The following PAX3 variants were observed in gnomAD, a reference collection of about 807,000 sequenced individuals.
PAX3 encodes the protein paired box 3, also known as paired box protein Pax-3.
Under a neutral mutation model 51.6 loss-of-function variants are expected in PAX3, and 14 were observed. The ratio of observed to expected loss-of-function variants is 0.27; its 90% CI spans 0.18 to 0.42. PAX3 has a LOEUF of 0.42. PAX3 is among the 10% of genes least tolerant of loss of function. PAX3 has a pLI of 1.00. For synonymous variants in PAX3, 280 were observed against 253.4 expected, an observed-to-expected ratio of 1.11 and a Z score of -1.00; for missense variants, 540 against 642.8, an observed-to-expected ratio of 0.84 and a Z score of 1.73.
chr2:222,220,338 G>T lies in PAX3; in HGVS notation c.975C>A (p.Ser325Arg). 1 of 1,613,994 alleles carries T rather than the reference G, an allele frequency of 6.2e-7. No individual in the cohort carries two copies. The highest frequency in any genetic ancestry group is 8.5e-7 in the Non-Finnish European group (1 of 1,179,884). The change falls in exon 7 of 9, where the codon AGC (serine) becomes AGA (arginine). Residue 325 changes from serine to arginine, a missense_variant. This residue lies in a region of PAX3 where 427 missense variants were observed against 483.6 expected (regional missense o/e 0.88). Transcript: ENST00000392070. ...GCGGTTGAGGTCTGTGAACGGTGCTGCTGGGATCTGACACAGCTGAAATGA... is the reference window on the plus strand; with the variant it reads ...GCGGTTGAGGTCTGTGAACGGTGCTTCTGGGATCTGACACAGCTGAAATGA... ...TSIPQAVSDPSSTVHRPQPLP... is the reference protein window; with the variant it reads ...TSIPQAVSDPRSTVHRPQPLP...
chr2:222,284,033 C>T (rs1352568840), intron 4 of PAX3, among the ~76,000 whole-genome samples: 1 of 152,202 alleles, frequency 6.6e-6, no homozygotes, highest in East Asian at 1.9e-4. Flanking sequence ...GCAAATGGAA[C>T]AGAACGGTCA....
chr2:222,242,095 C>A (rs71417674), intron 4 of PAX3, among the ~76,000 whole-genome samples: 2,112 of 152,216 alleles, frequency 0.014, 16 homozygotes, highest in South Asian at 0.029. Flanking sequence ...ACAAATATTT[C>A]TTTAATAGGG....
At chr2:222,264,509 G>A (rs1693974408) in intron 4 of PAX3, 1 of 152,146 alleles carries the variant, frequency 6.6e-6, no homozygotes, top group African/African-American at 2.4e-5. Flanking sequence ...AAATGCCATT[G>A]AATTGTTCAC....
chr2:222,223,265 C>T (rs935336448), intron 5 of PAX3, among the ~76,000 whole-genome samples: 2 of 152,278 alleles, frequency 1.3e-5, no homozygotes, highest in African/African-American at 4.8e-5. Flanking sequence ...TGAACTTCCT[C>T]AAAACATCAA....
At chr2:222,221,669 A>G in intron 5 of PAX3, 1 of 404,810 alleles carries the variant, frequency 2.5e-6, no homozygotes, top group South Asian at 2.3e-5. Flanking sequence ...CAGGAGTAGG[A>G]ACAACAGGAA....
Position 222,295,477 on chromosome 2 carries a change from G to A in PAX3, c.451+51C>T, listed in dbSNP as rs919107085. ...ATTACGTCTGGGTCGACGTGCCGGGGTAATAGCGACTGACTGTCGCGCCTC... is the reference window on the plus strand; with the variant it reads ...ATTACGTCTGGGTCGACGTGCCGGGATAATAGCGACTGACTGTCGCGCCTC... On this transcript the variant is annotated intron_variant, in intron 3 of 8. Transcript: ENST00000392070. The A allele has an allele frequency of 2.5e-6, 4 of 1,606,658 alleles. No homozygotes were observed. The Middle Eastern group carries it at 5.0e-4, about 201-fold the overall frequency.
chr2:222,258,476 C>T (rs1285308802), intron 4 of PAX3, among the ~76,000 whole-genome samples: 2 of 152,072 alleles, frequency 1.3e-5, no homozygotes, highest in African/African-American at 4.8e-5. Context: ...AAATATGGAG[C>T]TTATATTCAC....
At chr2:222,294,037 G>A in intron 4 of PAX3, 130 bp downstream of exon 4, 1 of 1,564,850 alleles carries the variant, frequency 6.4e-7, no homozygotes, top group Non-Finnish European at 8.6e-7. Context: ...CGTTACTCAG[G>A]CGCAGAGACA....
intron 7 of PAX3, among the ~76,000 whole-genome samples, chr2:222,211,853 G>T (rs535372452): frequency 6.6e-6 from 1 of 152,248 alleles, no homozygotes; most frequent in South Asian, 2.1e-4. Context: ...AAAGGTAAAG[G>T]GATATAATTT....
At chr2:222,298,299 C>G (rs1234154327) in intron 1 of PAX3, 3 of 556,140 alleles carry the variant, frequency 5.4e-6, no homozygotes, top group East Asian at 5.8e-5. Context: ...CTCCCCGGCT[C>G]GCCGCAGGCC....
chr2:222,239,777 T>G (rs1692938793), intron 4 of PAX3, among the ~76,000 whole-genome samples: 1 of 151,222 alleles, frequency 6.6e-6, no homozygotes, highest in African/African-American at 2.4e-5. Context: ...ATTCCCTCTA[T>G]GATTTCTCCC....
chr2:222,282,906 T>C (rs921321645), intron 4 of PAX3, among the ~76,000 whole-genome samples: 1 of 152,256 alleles, frequency 6.6e-6, no homozygotes, highest in African/African-American at 2.4e-5. Flanking sequence ...TTGAAACCTA[T>C]GTTCCTACTC....
At chr2:222,272,482 T>C (rs1019390585) in intron 4 of PAX3, among the ~76,000 whole-genome samples, 1 of 152,234 alleles carries the variant, frequency 6.6e-6, no homozygotes, top group Non-Finnish European at 1.5e-5. Flanking sequence ...TTCAAAGTAA[T>C]TCTCTTTTTC....
At chr2:222,262,889 TTCAAC>T (rs1693917634) in intron 4 of PAX3, 1 of 152,164 alleles carries the variant, frequency 6.6e-6, no homozygotes, top group Admixed American at 6.5e-5. Context: ...GGAACGACTT[TTCAAC>T]CAACAGTGTT....
At chr2:222,222,933 C>G (rs558967015) in intron 5 of PAX3, among the ~76,000 whole-genome samples, 48 of 152,262 alleles carry the variant, frequency 3.2e-4, no homozygotes, top group African/African-American at 1.2e-3. Context: ...CTAATTTCGA[C>G]GAGCGATCGC....
intron 3 of PAX3, among the ~76,000 whole-genome samples, chr2:222,295,314 G>A (rs1429419664): frequency 6.6e-6 from 1 of 152,166 alleles, no homozygotes; most frequent in African/African-American, 2.4e-5. Flanking sequence ...CGTCCTCAGC[G>A]GTGGTCTCGC....
At chr2:222,234,338 TAAA>T (rs921284484) in intron 4 of PAX3, among the ~76,000 whole-genome samples, 3 of 152,176 alleles carry the variant, frequency 2.0e-5, no homozygotes, top group Non-Finnish European at 4.4e-5. Flanking sequence ...ACTACTAACT[TAAA>T]GAAAGAAAAC....
intron 4 of PAX3, among the ~76,000 whole-genome samples, chr2:222,236,908 C>T (rs766383273): frequency 8.5e-5 from 13 of 152,162 alleles, no homozygotes; most frequent in Non-Finnish European, 1.8e-4. Flanking sequence ...ATCAATACAT[C>T]ATGCACAGCA....
chr2:222,253,521 C>G (rs142405251), intron 4 of PAX3, among the ~76,000 whole-genome samples: 1 of 152,152 alleles, frequency 6.6e-6, no homozygotes, highest in African/African-American at 2.4e-5. Context: ...AAAGATATAA[C>G]CAGAGTCCAG....
Sources: allele counts gnomAD v4.1 joint callset (sites outside exome capture counted in the v4.1 genomes callset), GRCh38; gene constraint gnomAD v4.1.1; regional missense constraint gnomAD v4.1.1; transcripts MANE v1.5; gene names NCBI Gene and HGNC (gene_info 2026-07-23, HGNC 2026-07-21).